NEURL1: variants seen among roughly 807,000 people sequenced by gnomAD.
The protein encoded by NEURL1 is E3 ubiquitin-protein ligase NEURL1.
In NEURL1, 26 loss-of-function variants were observed where a neutral mutation model predicts 41.2. The observed-to-expected ratio is 0.63, with a 90% confidence interval of 0.46 to 0.87. The LOEUF (loss-of-function observed/expected upper bound fraction) is 0.87. Ranked by LOEUF, NEURL1 falls within the 40% of genes least tolerant of loss-of-function variation. The pLI, the probability that NEURL1 is intolerant of heterozygous loss-of-function variation, is 0.00. For synonymous variants in NEURL1, 400 were observed against 402.3 expected (o/e 0.99, Z 0.07); for missense variants, 761 against 871.1 (o/e 0.87, Z 1.59).
chr10:103,518,848 T>C (rs924874618), intron 1 of NEURL1, among the ~76,000 whole-genome samples: 3 of 152,308 alleles, frequency 2.0e-5, no homozygotes, highest in East Asian at 1.9e-4. Context: ...CTCTGGAGAA[T>C]TGGCTGGGGT....
At chr10:103,501,248 A>C (rs539808852) in intron 1 of NEURL1, among the ~76,000 whole-genome samples, 4 of 152,214 alleles carry the variant, frequency 2.6e-5, no homozygotes, top group Non-Finnish European at 5.9e-5. Flanking sequence ...AGCAAGATGC[A>C]TGTAGTGATT....
Position 103,540,299 on chromosome 10 carries a change from A to T in NEURL1, c.86-30573A>T, listed in dbSNP as rs563820030. ...TCTTTTATTTTCAGACTTTTTTTTT[A>T]AATTTTTTGAGATGGAGTCTTGCTC... On this transcript the variant is annotated intron_variant, in intron 1 of 5. Transcript: ENST00000369780. Among the ~76,000 whole-genome samples the T allele has an allele frequency of 5.8e-3, 805 of 137,678 alleles. 5 individuals are homozygous for T. Among genetic ancestry groups the T allele is most frequent in the African/African-American group, 0.021 (692 of 33,668 alleles). 90.3% of individuals were successfully genotyped at this position (137,678 alleles called of 152,430 possible).
At chr10:103,557,623 G>A (rs1274444799) in intron 1 of NEURL1, among the ~76,000 whole-genome samples, 2 of 152,204 alleles carry the variant, frequency 1.3e-5, no homozygotes, top group African/African-American at 4.8e-5. Context: ...GAGAGGGAGT[G>A]TTTGCCTGTG....
At chr10:103,509,870 T>C (rs978207989) in intron 1 of NEURL1, among the ~76,000 whole-genome samples, 2 of 152,142 alleles carry the variant, frequency 1.3e-5, no homozygotes, top group African/African-American at 4.8e-5. Context: ...AGGTTGAGGA[T>C]GAGGGTTCCA....
intron 3 of NEURL1, among the ~76,000 whole-genome samples, chr10:103,582,215 T>G (rs1592240577): frequency 6.6e-6 from 1 of 152,040 alleles, no homozygotes; most frequent in Non-Finnish European, 1.5e-5. Context: ...TCTCCCACCC[T>G]CTGAAGTTCC....
At chr10:103,584,395 C>A in intron 3 of NEURL1, 141 bp from the exon 4 acceptor site, 18 of 423,846 alleles carry the variant, frequency 4.2e-5, no homozygotes, top group Non-Finnish European at 5.0e-5. Context: ...TGACTGTGTT[C>A]GCTAATTTAT....
At chr10:103,588,979 CGGAAGGA>C (rs1322898561) in intron 4 of NEURL1, 5 of 427,162 alleles carry the variant, frequency 1.2e-5, no homozygotes, top group Admixed American at 2.7e-5. Flanking sequence ...AAGTGAGTGA[CGGAAGGA>C]GGAAGGAGGG....
intron 1 of NEURL1, among the ~76,000 whole-genome samples, chr10:103,539,525 G>A (rs2034771986): frequency 6.6e-6 from 1 of 152,160 alleles, no homozygotes; most frequent in African/African-American, 2.4e-5. Context: ...CTGTCATCAA[G>A]TTTAGGGACA....
intron 1 of NEURL1, among the ~76,000 whole-genome samples, chr10:103,533,813 G>A (rs1271362212): frequency 3.3e-5 from 5 of 152,112 alleles, no homozygotes; most frequent in Admixed American, 1.3e-4. Context: ...TGGGATTACA[G>A]GCTTGAGCCA....
chr10:103,564,004 T>TC (rs1003191056), intron 1 of NEURL1, among the ~76,000 whole-genome samples: 7 of 151,786 alleles, frequency 4.6e-5, no homozygotes, highest in South Asian at 4.2e-4. Flanking sequence ...GGTGGTGAGC[T>TC]CCCCCCCATC....
At chr10:103,541,380 G>C (rs1388645531) in intron 1 of NEURL1, among the ~76,000 whole-genome samples, 1 of 152,184 alleles carries the variant, frequency 6.6e-6, no homozygotes, top group Non-Finnish European at 1.5e-5. Context: ...CTGAGTGAAG[G>C]AGAGGGGTAA....
At chr10:103,530,886 A>T (rs1168746034) in intron 1 of NEURL1, among the ~76,000 whole-genome samples, 1 of 152,052 alleles carries the variant, frequency 6.6e-6, no homozygotes, top group East Asian at 1.9e-4. Flanking sequence ...TTGTGGCCTA[A>T]AATGTGGTCT....
chr10:103,541,217 G>A (rs1020518603), intron 1 of NEURL1, among the ~76,000 whole-genome samples: 2 of 152,140 alleles, frequency 1.3e-5, no homozygotes, highest in Non-Finnish European at 2.9e-5. Flanking sequence ...TGTTAGGCAG[G>A]TCATGGGTTA....
Position 103,578,679 on chromosome 10 carries a change from A to T in NEURL1, c.650-5857A>T, listed in dbSNP as rs887292857. On this transcript the variant is annotated intron_variant, in intron 3 of 5. Transcript: ENST00000369780. ...CTGAATCTTAAAGTCTGTGACTGTG[A>T]GTGATTTTAGGATGTTCTGCCCTTC... 2.9e-4 allele frequency among the ~76,000 whole-genome samples: 44 copies of T among 152,270 alleles called. 1 individual carries two copies. The highest frequency in any genetic ancestry group is 1.8e-3 in the Admixed American group (28 of 15,290).
chr10:103,503,364 TAAGAG>T (rs570315234), intron 1 of NEURL1, among the ~76,000 whole-genome samples: 60 of 152,170 alleles, frequency 3.9e-4, no homozygotes, highest in African/African-American at 1.2e-3. Flanking sequence ...AAAGAAGGGC[TAAGAG>T]AAGAGGAGGA....
chr10:103,515,581 A>G (rs2034185644), intron 1 of NEURL1, among the ~76,000 whole-genome samples: 1 of 152,226 alleles, frequency 6.6e-6, no homozygotes. Context: ...AAGGTATAGT[A>G]AACTTTCACT....
intron 1 of NEURL1, chr10:103,550,422 C>G (rs1169829399): frequency 6.6e-6 from 1 of 152,496 alleles, no homozygotes; most frequent in East Asian, 1.9e-4. Context: ...GACCAGGCCC[C>G]CAGGGGCACT....
At chr10:103,581,142 A>T (rs146459067) in intron 3 of NEURL1, among the ~76,000 whole-genome samples, 34 of 152,250 alleles carry the variant, frequency 2.2e-4, no homozygotes, top group African/African-American at 7.7e-4. Context: ...GATCTTTCCA[A>T]CAACAACTCA....
intron 1 of NEURL1, among the ~76,000 whole-genome samples, chr10:103,507,036 G>A (rs1194376823): frequency 6.6e-6 from 1 of 152,208 alleles, no homozygotes; most frequent in Non-Finnish European, 1.5e-5. Context: ...CAGAACCCAA[G>A]TGTATCATGG....
Sources: allele counts gnomAD v4.1 joint callset (sites outside exome capture counted in the v4.1 genomes callset), GRCh38; gene constraint gnomAD v4.1.1; transcripts MANE v1.5; gene names NCBI Gene and HGNC (gene_info 2026-07-23, HGNC 2026-07-21).